Variants in DHCR7 observed in about 807,000 individuals in gnomAD.
The protein encoded by DHCR7 is 7-DHC reductase.
Under a neutral mutation model 43.3 loss-of-function variants are expected in DHCR7, and 40 were observed. The observed-to-expected ratio is 0.92, with a 90% CI of 0.72 to 1.20. DHCR7 has a LOEUF of 1.20. Ranked by LOEUF, DHCR7 falls within the 50% of genes most tolerant of loss-of-function variation. DHCR7 has a pLI of 0.00. For synonymous variants in DHCR7, 298 were observed against 271.4 expected (o/e 1.10, Z -0.96); for missense variants, 608 against 644.6 (o/e 0.94, Z 0.62).
downstream of DHCR7, chr11:71,434,307 A>T (rs554274340): frequency 6.6e-6 from 1 of 152,362 alleles, no homozygotes; most frequent in South Asian, 2.1e-4. Context: ...TCTCTCAGAC[A>T]TCCCTTCTCA....
Position 71,435,456 on chromosome 11 carries a change from G to A in DHCR7, c.1347C>T (p.His449=), listed in dbSNP as rs963669095. ...LLTHRCLRDE[H]RCASKYGRDW... ...CCCGGCCGTACTTGCTGGCGCAGCGGTGCTCGTCCCGGAGGCAGCGGTGGG... is the reference window on the plus strand; with the variant it reads ...CCCGGCCGTACTTGCTGGCGCAGCGATGCTCGTCCCGGAGGCAGCGGTGGG... Residue 449 remains histidine, a synonymous_variant, in exon 9 of 9, where the codon CAC becomes CAT. Coordinates refer to ENST00000355527, the MANE Select transcript of DHCR7 (RefSeq NM_001360.3). 1 of 1,612,674 alleles carries A rather than the reference G, an allele frequency of 6.2e-7. No individual in the cohort carries two copies. Among genetic ancestry groups the A allele is most frequent in the Admixed American group, 1.7e-5 (1 of 60,034 alleles).
In DHCR7 at chr11:71,435,393, C is replaced by T. The variant is rs375993195; in HGVS notation, c.1410G>A (p.Leu470=). The part of the protein sequence containing the change: ...ERYTAAVPYR[L]LPGIF The stretch of plus-strand genomic sequence containing the variant: ...CGTGCCCTTAGAAGATTCCAGGCAG[C>T]AGGCGGTAAGGCACTGCGGCGGTGT... Residue 470 remains leucine (L), a synonymous_variant, in exon 9 of 9, where the codon CTG becomes CTA. Coordinates refer to ENST00000355527, the MANE Select transcript of DHCR7 (RefSeq NM_001360.3). 34 of 1,612,356 alleles carry T rather than the reference C, an allele frequency of 2.1e-5. No homozygotes were observed. The African/African-American group carries it at 3.2e-4, about 15-fold the overall frequency.
Position 71,435,507 on chromosome 11 carries a change from G to A in DHCR7, c.1296C>T (p.Tyr432=). The A allele has an allele frequency of 1.9e-6, 3 of 1,611,858 alleles. No homozygotes were observed. Among genetic ancestry groups the A allele is most frequent in the Non-Finnish European group, 2.5e-6 (3 of 1,179,710 alleles). The change falls in exon 9 of 9, where the codon TAC becomes TAT. Residue 432 remains tyrosine (Y), a synonymous_variant. Coordinates refer to ENST00000355527, the MANE Select transcript of DHCR7 (RefSeq NM_001360.3). ...CGGGHLLPYF[Y]IIYMAILLTH... is the part of the protein sequence containing the mutation. The stretch of plus-strand genomic sequence containing the variant: ...TCAGCAGGATGGCCATGTAGATGAT[G>A]TAGAAGTAGGGCAGCAGGTGGCCGC...
chr11:71,444,023 G>A lies in DHCR7; in HGVS notation c.291C>T (p.Ala97=), dbSNP rs780909138. 1.9e-6 allele frequency: 3 copies of A among 1,613,038 alleles called. No homozygotes were observed. In the Admixed American group the frequency reaches 5.0e-5, roughly 27 times the overall value. The change falls in exon 4 of 9, where the codon GCC becomes GCT. Residue 97 remains alanine, a synonymous_variant. Coordinates refer to ENST00000355527, the MANE Select transcript of DHCR7 (RefSeq NM_001360.3). ...AKTPPITRKA[A]QLYTLWVTFQ... ...AGGTGACCCACAAGGTATAGAGCTG[G>A]GCGGCTTTCCTCGTTATAGGTGGAG...
rs149585709 is a variant in DHCR7 at position 71,445,684 on chromosome 11, G to T, written c.-6-726C>A. 9.7e-4 allele frequency among the ~76,000 whole-genome samples: 147 copies of T among 152,304 alleles called. 1 individual carries two copies. Among genetic ancestry groups the T allele is most frequent in the Non-Finnish European group, 4.1e-4 (28 of 68,030 alleles). On this transcript the variant is annotated intron_variant, in intron 2 of 8. Transcript: ENST00000355527. ...AATAATCACCCTTCAAAAAAAAGGG[G>T]AAGAGAACACAGAATGTCTCTAGGT...
At chr11:71,439,313 G>A (rs1230911455) in intron 6 of DHCR7, among the ~76,000 whole-genome samples, 2 of 152,174 alleles carry the variant, frequency 1.3e-5, no homozygotes, top group Non-Finnish European at 2.9e-5. Context: ...GCTCAGCAGA[G>A]ACTTCCTTAG....
At chr11:71,435,962 C>T (rs2135940335) in intron 8 of DHCR7, 123 bp from the exon 9 acceptor site, 1 of 785,444 alleles carries the variant, frequency 1.3e-6, no homozygotes, top group East Asian at 2.7e-5. Context: ...CGCCTTGCCT[C>T]CGTGTTCTCT....
At position 71,444,066 on chromosome 11, in the gene DHCR7, G is replaced by A. The variant is rs764847274; in HGVS notation, c.248C>T (p.Ser83Leu). The change falls in exon 4 of 9, where the codon TCG becomes TTG. Residue 83 changes from serine (S) to leucine (L), a missense_variant. Ser to Leu is a moderately radical substitution (Grantham distance 145, BLOSUM62 -2). Coordinates refer to ENST00000355527, the MANE Select transcript of DHCR7 (RefSeq NM_001360.3). The stretch of plus-strand genomic sequence containing the variant: ...AGGTGGAGTCTTGGCCCAGATGTCC[G>A]AGAGCCGAGCATGTCCGGTGACGAT... ...VDIVTGHARL[S>L]DIWAKTPPIT... The A allele has an allele frequency of 6.8e-6, 11 of 1,613,770 alleles. No homozygotes were observed. The East Asian group carries it at 1.1e-4, about 16-fold the overall frequency.
chr11:71,437,070 C>T (rs574806347), intron 8 of DHCR7, among the ~76,000 whole-genome samples: 101 of 152,310 alleles, frequency 6.6e-4, no homozygotes, highest in Middle Eastern at 3.4e-3. Flanking sequence ...TGGGGCTCTG[C>T]ACCCTCCACC....
intron 6 of DHCR7, among the ~76,000 whole-genome samples, chr11:71,439,387 C>G (rs566103855): frequency 6.6e-6 from 1 of 152,350 alleles, no homozygotes; most frequent in Non-Finnish European, 1.5e-5. Context: ...TGGGCTGGTA[C>G]CTGGGTTTCT....
At chr11:71,444,490 A>G (rs1949385130) in intron 3 of DHCR7, among the ~76,000 whole-genome samples, 1 of 152,172 alleles carries the variant, frequency 6.6e-6, no homozygotes, top group South Asian at 2.1e-4. Flanking sequence ...ACAACCACCA[A>G]GGCCAGTGGT....
intron 2 of DHCR7, among the ~76,000 whole-genome samples, chr11:71,446,893 G>A (rs1462890135): frequency 6.6e-6 from 1 of 152,224 alleles, no homozygotes; most frequent in African/African-American, 2.4e-5. Context: ...CAAAGTGGAT[G>A]AAAGAAAACT....
At chr11:71,441,930 C>T (rs1949352412) in intron 5 of DHCR7, among the ~76,000 whole-genome samples, 1 of 152,188 alleles carries the variant, frequency 6.6e-6, no homozygotes, top group South Asian at 2.1e-4. Context: ...AATGAACAGA[C>T]AAGGTCTCCC....
At chr11:71,444,526 T>C (rs1028292241) in intron 3 of DHCR7, among the ~76,000 whole-genome samples, 9 of 152,136 alleles carry the variant, frequency 5.9e-5, no homozygotes, top group Non-Finnish European at 1.3e-4. Context: ...TCGGAGAGGA[T>C]ACTCACCCTG....
rs1949268223 is a variant in DHCR7, at chr11:71,435,592, C to T, written c.1211G>A (p.Arg404His). The T allele has an allele frequency of 8.7e-6, 14 of 1,609,116 alleles. No individual in the cohort carries two copies. The highest frequency in any genetic ancestry group is 2.2e-5 in the East Asian group (1 of 44,822). ...CAGGTCGCCGACGTAGTTGAAGTGG[C>T]GGGCCACGCCCCAGAAGCCCGACAC... ...LLVSGFWGVA[R>H]HFNYVGDLMG... The change falls in exon 9 of 9, where the codon CGC becomes CAC. Residue 404 changes from arginine (R) to histidine (H), a missense_variant. Physicochemically the swap from Arg to His is conservative, Grantham distance 29. Transcript: ENST00000355527.
chr11:71,444,687 CT>C (rs1949387832), intron 3 of DHCR7, among the ~76,000 whole-genome samples, 167 bp downstream of exon 3: 1 of 151,560 alleles, frequency 6.6e-6, no homozygotes, highest in Non-Finnish European at 1.5e-5. Flanking sequence ...TTTATAATTC[CT>C]TACTTTATAA....
chr11:71,435,251 G>T lies in DHCR7; in HGVS notation c.*124C>A. ...GTACTGGACACCTGCCAAGTGCTGG[G>T]CTCTCTCCAGTTTACAGATGAGGAA... On this transcript the variant is annotated 3_prime_UTR_variant, in exon 9 of 9. Transcript: ENST00000355527. The T allele has an allele frequency of 1.9e-6, 2 of 1,025,950 alleles. No homozygotes were observed. Among genetic ancestry groups the T allele is most frequent in the South Asian group, 1.3e-5 (1 of 77,872 alleles). The allele number at this position is 1,025,950 out of a possible 1,614,324, so 63.6% of individuals were successfully genotyped here.
intron 5 of DHCR7, among the ~76,000 whole-genome samples, chr11:71,442,058 AC>A (rs1335570002): frequency 6.6e-6 from 1 of 152,080 alleles, no homozygotes; most frequent in Non-Finnish European, 1.5e-5. Context: ...TTCCCTCCTT[AC>A]CCAGGAAAGT....
intron 1 of DHCR7, chr11:71,447,994 G>A (rs1281332023): frequency 6.5e-6 from 1 of 152,752 alleles, no homozygotes; most frequent in African/African-American, 2.4e-5. Flanking sequence ...CATGGGGCCA[G>A]GAGCCGACCC....
Sources: gnomAD v4.1 joint callset for allele counts (sites outside exome capture counted in the v4.1 genomes callset) on GRCh38, gnomAD v4.1.1 for gene constraint, MANE v1.5 for transcripts, NCBI Gene and HGNC (gene_info 2026-07-23, HGNC 2026-07-21) for gene names.